CASQ1: variants seen among roughly 807,000 people sequenced by gnomAD.
CASQ1 encodes the protein calsequestrin-1.
In CASQ1, 40 loss-of-function variants were observed where a neutral mutation model predicts 49.5. That is an observed-to-expected ratio of 0.81 (90% CI 0.63 to 1.05). The LOEUF is 1.05. CASQ1 is among the 50% of genes least tolerant of loss of function. The probability of loss-of-function intolerance (pLI) is 0.00; values close to 1 mark genes in which losing one functional copy is unlikely to be tolerated. For synonymous variants in CASQ1, 174 were observed against 187.2 expected (o/e 0.93, Z 0.58); for missense variants, 469 against 486.9 (o/e 0.96, Z 0.35).
In CASQ1 at chr1:160,201,424, T is replaced by C; in HGVS notation, c.*48T>C. 1.2e-6 allele frequency: 2 copies of C among 1,602,812 alleles called. No individual in the cohort carries two copies. The highest frequency in any genetic ancestry group is 1.7e-6 in the Non-Finnish European group (2 of 1,172,362). On this transcript the variant is annotated 3_prime_UTR_variant, in exon 11 of 11. Coordinates refer to ENST00000368078, the MANE Select transcript of CASQ1 (RefSeq NM_001231.5). Reference sequence around the variant, plus strand: ...GCCCCACTGGTCTTTTCATGCTCTCTCCTGCCTTCCCTTGTCCTTCCCTGA... The same window carrying C: ...GCCCCACTGGTCTTTTCATGCTCTCCCCTGCCTTCCCTTGTCCTTCCCTGA...
chr1:160,193,240 C>A (rs1386856385), intron 2 of CASQ1, among the ~76,000 whole-genome samples: 2 of 152,086 alleles, frequency 1.3e-5, no homozygotes. Context: ...CCATCCAGAG[C>A]CATGGTTGTT....
chr1:160,198,750 G>A lies in CASQ1; in HGVS notation c.883+19G>A, dbSNP rs1471094514. 5.0e-6 allele frequency: 8 copies of A among 1,610,344 alleles called. No homozygotes were observed. Among genetic ancestry groups the A allele is most frequent in the East Asian group, 4.5e-5 (2 of 44,846 alleles). On this transcript the variant is annotated intron_variant, in intron 8 of 10. Coordinates refer to ENST00000368078, the MANE Select transcript of CASQ1 (RefSeq NM_001231.5). Reference sequence around the variant, plus strand: ...GATCCTGGTGAGGGAGGAATACCGGGTTGGACTGGAGGGAAGGCAGGGGGA... The same window carrying A: ...GATCCTGGTGAGGGAGGAATACCGGATTGGACTGGAGGGAAGGCAGGGGGA...
Position 160,197,558 on chromosome 1 carries a change from G to A in CASQ1, c.783-11G>A. On this transcript the variant is annotated splice_polypyrimidine_tract_variant and intron_variant, in intron 6 of 10. Transcript: ENST00000368078. ...CCCACTGAGTAATGACACTCTGTCT[G>A]TCTCTTCTAGATCAACCCTGAGGAA... The A allele has an allele frequency of 6.2e-7, 1 of 1,605,162 alleles. No individual in the cohort carries two copies. Among genetic ancestry groups the A allele is most frequent in the Non-Finnish European group, 8.5e-7 (1 of 1,171,878 alleles).
At chr1:160,195,418 ACC>A in intron 4 of CASQ1, 41 bp from the exon 5 acceptor site, 1 of 1,570,022 alleles carries the variant, frequency 6.4e-7, no homozygotes, top group East Asian at 2.2e-5. Context: ...TCCCGGGCAG[ACC>A]CTGGTTTCCC....
intron 5 of CASQ1, 117 bp downstream of exon 5, chr1:160,195,651 T>C (rs1654203760): frequency 2.6e-6 from 2 of 754,980 alleles, no homozygotes; most frequent in Admixed American, 2.3e-5. Context: ...ACTCCCTACC[T>C]GCCCCCCCCC....
At chr1:160,198,783 G>A in intron 8 of CASQ1, 52 bp downstream of exon 8, 2 of 1,518,206 alleles carry the variant, frequency 1.3e-6, no homozygotes, top group South Asian at 1.1e-5. Flanking sequence ...GGAGGTGGGT[G>A]TGTTTATTGG....
intron 3 of CASQ1, 135 bp from the exon 4 acceptor site, chr1:160,194,877 A>G: frequency 1.7e-6 from 1 of 586,124 alleles, no homozygotes. Context: ...CGCACATGCA[A>G]TCCCCCACAC....
chr1:160,191,581 C>T (rs560449636), intron 1 of CASQ1, among the ~76,000 whole-genome samples: 1 of 152,320 alleles, frequency 6.6e-6, no homozygotes, highest in South Asian at 2.1e-4. Context: ...CTCCCTAATT[C>T]CCCATTTGTC....
rs1553192596 is a variant in CASQ1, at chr1:160,195,659, C to CCG, written c.651+126_651+127insGC. ...TGCTGGCACTCCCTACCTGCCCCCC[C>CCG]CCCCGGCTCCTCCCACTCCATAGAT... On this transcript the variant is annotated intron_variant, in intron 5 of 10. Coordinates refer to ENST00000368078, the MANE Select transcript of CASQ1 (RefSeq NM_001231.5). The CCG allele has an allele frequency of 3.6e-6, 3 of 825,784 alleles. No homozygotes were observed. The East Asian group carries it at 7.9e-5, about 22-fold the overall frequency. 51.2% of individuals were successfully genotyped at this position (825,784 alleles called of 1,614,324 possible).
rs765193262 is a variant in CASQ1 at position 160,191,005 on chromosome 1, T to C, written c.254T>C (p.Phe85Ser). 73 of 1,613,660 alleles carry C rather than the reference T, an allele frequency of 4.5e-5. No homozygotes were observed. Among genetic ancestry groups the C allele is most frequent in the Non-Finnish European group, 5.6e-5 (66 of 1,179,944 alleles). Reference sequence around the variant, plus strand: ...GATGACAAGGCCTCACAAAGACAATTTGAGATGGAGGAGCTGATCCTGGAG... The same window carrying C: ...GATGACAAGGCCTCACAAAGACAATCTGAGATGGAGGAGCTGATCCTGGAG... ...PEDDKASQRQ[F>S]EMEELILELA... Residue 85 changes from phenylalanine (F) to serine (S), a missense_variant, in exon 1 of 11, where the codon TTT becomes TCT. Coordinates refer to ENST00000368078, the MANE Select transcript of CASQ1 (RefSeq NM_001231.5).
intron 5 of CASQ1, 125 bp downstream of exon 5, chr1:160,195,659 C>CCA (rs1553192596): frequency 3.4e-5 from 28 of 825,670 alleles, no homozygotes; most frequent in Admixed American, 1.6e-4. Flanking sequence ...CCTGCCCCCC[C>CCA]CCCCGGCTCC....
At chr1:160,195,650 C>CT in intron 5 of CASQ1, 116 bp downstream of exon 5, 5 of 855,294 alleles carry the variant, frequency 5.8e-6, no homozygotes, top group Middle Eastern at 2.6e-4. Flanking sequence ...CACTCCCTAC[C>CT]TGCCCCCCCC....
At chr1:160,200,764 T>C (rs935453875) in intron 10 of CASQ1, among the ~76,000 whole-genome samples, 2 of 152,084 alleles carry the variant, frequency 1.3e-5, no homozygotes, top group Non-Finnish European at 2.9e-5. Flanking sequence ...ATCCCAGCAT[T>C]TTGGGAGGCC....
chr1:160,193,876 T>G, intron 3 of CASQ1, 29 bp downstream of exon 3: 1 of 1,531,812 alleles, frequency 6.5e-7, no homozygotes. Flanking sequence ...CTGACGGCCT[T>G]GCTTGAAAAC....
intron 6 of CASQ1, among the ~76,000 whole-genome samples, chr1:160,196,362 T>C (rs911948536): frequency 1.3e-5 from 2 of 152,216 alleles, no homozygotes; most frequent in African/African-American, 4.8e-5. Context: ...ATCTCTATGA[T>C]TATATTAAGT....
intron 10 of CASQ1, among the ~76,000 whole-genome samples, chr1:160,200,244 A>G (rs574511548): frequency 1.3e-5 from 2 of 152,222 alleles, no homozygotes; most frequent in South Asian, 4.2e-4. Context: ...TTAAATGGCT[A>G]TTTATGTATT....
intron 6 of CASQ1, 59 bp from the exon 7 acceptor site, chr1:160,197,510 C>A: frequency 1.6e-6 from 2 of 1,262,380 alleles, no homozygotes; most frequent in South Asian, 1.2e-5. Flanking sequence ...CTACAGGACC[C>A]TCTGGAGGGG....
At chr1:160,199,219 T>C (rs1654315035) in intron 9 of CASQ1, among the ~76,000 whole-genome samples, 166 bp downstream of exon 9, 1 of 152,084 alleles carries the variant, frequency 6.6e-6, no homozygotes, top group Admixed American at 6.5e-5. Flanking sequence ...ATGGAGGGCA[T>C]CCTGAGCAAG....
At chr1:160,195,775 G>T (rs1654209812) in intron 5 of CASQ1, 122 bp from the exon 6 acceptor site, 1 of 1,133,274 alleles carries the variant, frequency 8.8e-7, no homozygotes, top group Middle Eastern at 2.0e-4. Context: ...AGGTGTCACA[G>T]TGGCAGTGAC....
Sources: gnomAD v4.1 joint callset for allele counts (sites outside exome capture counted in the v4.1 genomes callset) on GRCh38, gnomAD v4.1.1 for gene constraint, MANE v1.5 for transcripts, NCBI Gene and HGNC (gene_info 2026-07-23, HGNC 2026-07-21) for gene names.